Variants in LCOR observed in about 807,000 individuals in gnomAD.
LCOR encodes ligand-dependent corepressor.
Under a neutral mutation model 64.4 loss-of-function variants are expected in LCOR, and 14 were observed. The ratio of observed to expected loss-of-function variants is 0.22; its 90% confidence interval spans 0.14 to 0.34. The LOEUF (loss-of-function observed/expected upper bound fraction) is 0.34. LCOR is among the 10% of genes least tolerant of loss of function. The pLI is 1.00. For missense variants in LCOR, 1,686 were observed against 1,765.3 expected, an observed-to-expected ratio of 0.96 and a Z score of 0.80; for synonymous variants, 643 against 642.5, an observed-to-expected ratio of 1.00 and a Z score of -0.01.
At chr10:96,910,675 AT>A (rs1239904995) in intron 4 of LCOR, among the ~76,000 whole-genome samples, 1 of 152,216 alleles carries the variant, frequency 6.6e-6, no homozygotes, top group Non-Finnish European at 1.5e-5. Flanking sequence ...AGAAAGAACT[AT>A]CTGGAGAATA....
chr10:96,904,400 C>A (rs1478510138), intron 2 of LCOR, among the ~76,000 whole-genome samples: 2 of 152,086 alleles, frequency 1.3e-5, no homozygotes, highest in Middle Eastern at 3.2e-3. Context: ...TAGGTAGGGT[C>A]AAATTATAAG....
rs1786445797 is a variant in LCOR at position 96,987,634 on chromosome 10, C to G, written c.*2500C>G. 1 of 151,976 alleles carries G rather than the reference C, an allele frequency of 6.6e-6. No individual in the cohort carries two copies. The highest frequency in any genetic ancestry group is 1.5e-5 in the Non-Finnish European group (1 of 68,014). The allele number at this position is 151,976 out of a possible 1,614,324, so 9.4% of individuals were successfully genotyped here. A position where few individuals can be genotyped will look rare whatever the true frequency, so the allele number is the denominator to read the frequency against. On this transcript the variant is annotated 3_prime_UTR_variant, in exon 8 of 8. Transcript: ENST00000421806. ...TTATAATAAGGACATTTAAATAGACCAAGAGTCTACATAATTATGACACTT... is the reference window on the plus strand; with the variant it reads ...TTATAATAAGGACATTTAAATAGACGAAGAGTCTACATAATTATGACACTT...
At chr10:96,880,706 G>C (rs1846248549) in intron 2 of LCOR, among the ~76,000 whole-genome samples, 1 of 152,132 alleles carries the variant, frequency 6.6e-6, no homozygotes, top group Admixed American at 6.5e-5. Flanking sequence ...CCAGTTATCT[G>C]TCTTCTTAAT....
chr10:96,953,091 A>G (rs1847709712), intron 7 of LCOR, among the ~76,000 whole-genome samples: 2 of 152,200 alleles, frequency 1.3e-5, no homozygotes, highest in African/African-American at 4.8e-5. Flanking sequence ...ACAGACTTCT[A>G]AAATCTCCCT....
chr10:96,924,608 A>T (rs1847136590), intron 4 of LCOR, among the ~76,000 whole-genome samples: 1 of 151,476 alleles, frequency 6.6e-6, no homozygotes, highest in Non-Finnish European at 1.5e-5. Context: ...CTAGTACAAA[A>T]ATACCTATAT....
In LCOR at chr10:96,983,872, G is replaced by A. The variant is rs1589350649; in HGVS notation, c.3412G>A (p.Ala1138Thr). 6.2e-7 allele frequency: 1 copy of A among 1,614,024 alleles called. No homozygotes were observed. The highest frequency in any genetic ancestry group is 1.1e-5 in the South Asian group (1 of 91,088). ...LEKEGQPTPR[A>T]RNKSDKLKEI... ...GAAAGAAGGACAGCCAACACCAAGA[G>A]CAAGGAACAAATCAGATAAACTGAA... The change falls in exon 8 of 8, where the codon GCA (alanine) becomes ACA (threonine). Residue 1138 changes from alanine (A) to threonine (T), a missense_variant. Around this residue, in one of 3 missense-constraint regions of LCOR, gnomAD observed 1,293 missense variants for 1,410.4 expected, o/e 0.92. Coordinates refer to ENST00000421806, the MANE Select transcript of LCOR (RefSeq NM_001346516.2). This position sits in a 1 kb window ranked among gnomAD's most constrained non-coding sequence, Gnocchi z 4.5.
At chr10:96,960,495 C>G (rs934769267) in intron 7 of LCOR, 1 of 152,108 alleles carries the variant, frequency 6.6e-6, no homozygotes, top group African/African-American at 2.4e-5. Flanking sequence ...ATATTAATCA[C>G]TCTTTTCTGT....
chr10:96,884,162 C>G (rs1055963886), intron 2 of LCOR, among the ~76,000 whole-genome samples: 1 of 152,120 alleles, frequency 6.6e-6, no homozygotes, highest in African/African-American at 2.4e-5. Flanking sequence ...GCCTTTCACT[C>G]TTCATTCTCT....
At chr10:96,964,096 G>C (rs1847922399) in intron 7 of LCOR, 1 of 152,094 alleles carries the variant, frequency 6.6e-6, no homozygotes, top group South Asian at 2.1e-4. Context: ...TTATGTAGTA[G>C]AGCACTTATG....
intron 4 of LCOR, among the ~76,000 whole-genome samples, chr10:96,926,448 A>G (rs969386873): frequency 6.6e-6 from 1 of 152,242 alleles, no homozygotes; most frequent in Non-Finnish European, 1.5e-5. Flanking sequence ...TGTGACACAA[A>G]TAACAAGCAA....
rs560290771 is a variant in LCOR, at chr10:96,965,661, C to T, written c.332+13465C>T. On this transcript the variant is annotated intron_variant, in intron 7 of 7. Coordinates refer to ENST00000421806, the MANE Select transcript of LCOR (RefSeq NM_001346516.2). ...TGGGCGACAGAGCGAGACTCTGTCT[C>T]AAAAAAAAAAAAAAAAAAAAAAAGA... Among the ~76,000 whole-genome samples, 6 of 65,322 alleles carry T rather than the reference C, an allele frequency of 9.2e-5. No individual in the cohort carries two copies. The East Asian group carries it at 2.0e-3, about 22-fold the overall frequency. The allele number at this position is 65,322 out of a possible 152,430, so 42.9% of individuals were successfully genotyped here.
intron 4 of LCOR, among the ~76,000 whole-genome samples, chr10:96,931,450 G>A (rs1205038990): frequency 1.3e-5 from 2 of 151,976 alleles, no homozygotes; most frequent in African/African-American, 2.4e-5. Flanking sequence ...CGGCCAGGCT[G>A]GTCTCAAACT....
chr10:96,873,567 CACACGT>C lies in LCOR; in HGVS notation c.-329-33697_-329-33692del, dbSNP rs1449514693. ...TGTTTTGTTTTTCGATACACACACA[CACACGT>C]GTGTGTGTGTGTGTGTGTGTGTGTG... On this transcript the variant is annotated intron_variant, in intron 2 of 7. Coordinates refer to ENST00000421806, the MANE Select transcript of LCOR (RefSeq NM_001346516.2). Among the ~76,000 whole-genome samples, 539 of 118,400 alleles carry C rather than the reference CACACGT, an allele frequency of 4.6e-3. 8 individuals carry two copies. In the East Asian group the frequency reaches 0.051, roughly 11 times the overall value. 77.7% of individuals were successfully genotyped at this position (118,400 alleles called of 152,430 possible).
chr10:96,877,598 A>ATTTTTTTTTTTTTTTTTTTT (rs57119025), intron 2 of LCOR, among the ~76,000 whole-genome samples: 1 of 65,660 alleles, frequency 1.5e-5, no homozygotes, highest in Non-Finnish European at 2.6e-5. Context: ...ATTTTTCTGA[A>ATTTTTTTTTTTTTTTTTTTT]TTTTTTTTTT....
In LCOR at chr10:96,981,625, A is replaced by G; in HGVS notation, c.1165A>G (p.Arg389Gly). 1 of 1,614,228 alleles carries G rather than the reference A, an allele frequency of 6.2e-7. No individual in the cohort carries two copies. Among genetic ancestry groups the G allele is most frequent in the Non-Finnish European group, 8.5e-7 (1 of 1,180,040 alleles). ...QDLEANEQDA[R>G]PKQENHLHSL... is the part of the protein sequence containing the mutation. ...TTTAGAGGCAAATGAACAAGATGCAAGGCCAAAGCAAGAGAACCATCTTCA... is the reference window on the plus strand; with the variant it reads ...TTTAGAGGCAAATGAACAAGATGCAGGGCCAAAGCAAGAGAACCATCTTCA... Residue 389 changes from arginine (R) to glycine (G), a missense_variant, in exon 8 of 8, where the codon AGG becomes GGG. Transcript: ENST00000421806.
intron 2 of LCOR, among the ~76,000 whole-genome samples, chr10:96,850,515 A>G (rs1845706998): frequency 6.6e-6 from 1 of 152,120 alleles, no homozygotes; most frequent in African/African-American, 2.4e-5. Flanking sequence ...TTTTTGAGAC[A>G]GCATCTCTGT....
At chr10:96,833,305 C>T (rs1845380255) in intron 1 of LCOR, 101 bp from the exon 2 acceptor site, 1 of 954,308 alleles carries the variant, frequency 1.0e-6, no homozygotes, top group Non-Finnish European at 1.2e-6. Context: ...GGCTTTTTCC[C>T]TGCGGGCCGG....
chr10:96,953,973 T>G (rs1847724066), intron 7 of LCOR, among the ~76,000 whole-genome samples: 1 of 152,234 alleles, frequency 6.6e-6, no homozygotes, highest in African/African-American at 2.4e-5. Context: ...ATTGTGAAAG[T>G]CAAAACCTTA....
chr10:96,900,751 A>AT (rs11463589), intron 2 of LCOR, among the ~76,000 whole-genome samples: 21,612 of 152,004 alleles, frequency 0.14, 2,108 homozygotes, highest in African/African-American at 0.27. Context: ...CCCAGAGTGA[A>AT]TGGCTGTTCT....
Sources: allele counts gnomAD v4.1 joint callset (sites outside exome capture counted in the v4.1 genomes callset), GRCh38; gene constraint gnomAD v4.1.1; regional missense constraint gnomAD v4.1.1; non-coding constraint Gnocchi (gnomAD v3.1); transcripts MANE v1.5; gene names NCBI Gene and HGNC (gene_info 2026-07-23, HGNC 2026-07-21).